The following SUMF1 variants were observed in gnomAD, a reference collection of about 807,000 sequenced individuals.
SUMF1 encodes sulfatase modifying factor 1.
Under a neutral mutation model 47.6 loss-of-function variants are expected in SUMF1, and 48 were observed. The ratio of observed to expected loss-of-function variants is 1.01; its 90% CI spans 0.80 to 1.28. The LOEUF is 1.28. SUMF1 is among the 50% of genes most tolerant of loss of function. The pLI is 0.00. For synonymous variants in SUMF1, 230 were observed against 192.1 expected, an observed-to-expected ratio of 1.20 and a Z score of -1.63; for missense variants, 571 against 485.4, an observed-to-expected ratio of 1.18 and a Z score of -1.66.
chr3:4,377,045 C>T (rs1236901072), intron 7 of SUMF1, among the ~76,000 whole-genome samples: 1 of 152,152 alleles, frequency 6.6e-6, no homozygotes, highest in African/African-American at 2.4e-5. Flanking sequence ...AAGTGACCCT[C>T]CTACCTCAGC....
At chr3:4,253,041 G>C (rs930635057) in intron 8 of SUMF1, among the ~76,000 whole-genome samples, 5 of 152,114 alleles carry the variant, frequency 3.3e-5, no homozygotes, top group African/African-American at 7.2e-5. Flanking sequence ...TTTTCCATAA[G>C]AGTTTTAAAT....
At chr3:4,263,741 T>C (rs576370818) in intron 8 of SUMF1, among the ~76,000 whole-genome samples, 55 of 152,330 alleles carry the variant, frequency 3.6e-4, no homozygotes, top group African/African-American at 1.3e-3. Flanking sequence ...GTTCTCTTAA[T>C]ACTGAAGGCA....
intron 8 of SUMF1, among the ~76,000 whole-genome samples, chr3:4,273,603 G>T: frequency 6.6e-6 from 1 of 151,434 alleles, no homozygotes; most frequent in African/African-American, 2.4e-5. Context: ...CTCTGTGAAT[G>T]TACTAAAAAT....
At chr3:4,177,683 T>A (rs892525797) in intron 8 of SUMF1, among the ~76,000 whole-genome samples, 23 of 151,520 alleles carry the variant, frequency 1.5e-4, no homozygotes, top group African/African-American at 5.1e-4. Flanking sequence ...AAGAAATAAC[T>A]AAGATCAGAG....
chr3:4,209,261 A>T (rs1422902302), intron 8 of SUMF1, among the ~76,000 whole-genome samples: 1 of 152,184 alleles, frequency 6.6e-6, no homozygotes, highest in Non-Finnish European at 1.5e-5. Context: ...AAAGATTTTT[A>T]AAATCCTACA....
intron 8 of SUMF1, among the ~76,000 whole-genome samples, chr3:4,315,815 G>A (rs1330918604): frequency 2.6e-5 from 4 of 152,206 alleles, no homozygotes; most frequent in Admixed American, 1.3e-4. Flanking sequence ...GGGAGGCTGA[G>A]GCAGGCAGAA....
At chr3:4,454,913 T>C (rs1006234801) in intron 1 of SUMF1, among the ~76,000 whole-genome samples, 2 of 152,128 alleles carry the variant, frequency 1.3e-5, no homozygotes, top group African/African-American at 4.8e-5. Context: ...TGCCAGAGGC[T>C]AGGGGGAGGC....
chr3:4,351,161 T>C (rs558601844), intron 8 of SUMF1, among the ~76,000 whole-genome samples: 1 of 152,328 alleles, frequency 6.6e-6, no homozygotes, highest in South Asian at 2.1e-4. Context: ...CTGAAGCAAA[T>C]AGTTTTATTA....
intron 8 of SUMF1, among the ~76,000 whole-genome samples, chr3:4,200,250 A>G (rs1366338658): frequency 6.8e-6 from 1 of 147,934 alleles, no homozygotes; most frequent in Admixed American, 6.9e-5. Flanking sequence ...ATTAAGGGAT[A>G]CCTAGATAGC....
At chr3:4,136,121 A>C (rs1693922803) in intron 8 of SUMF1, among the ~76,000 whole-genome samples, 1 of 152,142 alleles carries the variant, frequency 6.6e-6, no homozygotes, top group African/African-American at 2.4e-5. Flanking sequence ...ATTGGAAAAA[A>C]CTACTTTAAA....
At chr3:4,125,037 T>C (rs1050199828) in intron 8 of SUMF1, among the ~76,000 whole-genome samples, 2 of 152,104 alleles carry the variant, frequency 1.3e-5, no homozygotes, top group African/African-American at 4.8e-5. Flanking sequence ...AAAACAGTTG[T>C]AAAATAGTAG....
intron 9 of SUMF1, among the ~76,000 whole-genome samples, chr3:4,042,174 T>C (rs1018903681): frequency 5.3e-5 from 8 of 152,154 alleles, no homozygotes; most frequent in Admixed American, 2.6e-4. Context: ...AAGACTAGTA[T>C]TGAGAAGCAA....
intron 8 of SUMF1, among the ~76,000 whole-genome samples, chr3:4,260,516 C>A (rs1559625627): frequency 6.6e-6 from 1 of 152,086 alleles, no homozygotes; most frequent in Admixed American, 6.5e-5. Context: ...AGTTTCCAGC[C>A]CTGATTATCA....
chr3:4,460,302 T>A (rs1360351420), intron 1 of SUMF1, among the ~76,000 whole-genome samples: 1 of 152,204 alleles, frequency 6.6e-6, no homozygotes, highest in Non-Finnish European at 1.5e-5. Flanking sequence ...TATATACTCT[T>A]CTATATGTTT....
At chr3:4,386,964 T>C (rs1700695186) in intron 7 of SUMF1, among the ~76,000 whole-genome samples, 1 of 151,762 alleles carries the variant, frequency 6.6e-6, no homozygotes, top group African/African-American at 2.4e-5. Context: ...TCAATTATCA[T>C]GTTTTAAAAA....
chr3:4,253,368 G>C (rs898433114), intron 8 of SUMF1, among the ~76,000 whole-genome samples: 6 of 152,216 alleles, frequency 3.9e-5, no homozygotes, highest in African/African-American at 1.4e-4. Flanking sequence ...ATCTCACTAG[G>C]GAGTGCCAGA....
chr3:4,359,841 T>C (rs1687867), downstream of SUMF1, among the ~76,000 whole-genome samples: 17,509 of 152,102 alleles, frequency 0.12, 2,250 homozygotes, highest in African/African-American at 0.3. Context: ...TCAAACCATC[T>C]CAGTTGCCCA....
Position 4,140,845 on chromosome 3 carries a change from T to C in SUMF1, c.1015-72100A>G, listed in dbSNP as rs139475022. Among the ~76,000 whole-genome samples, 1,240 of 152,104 alleles carry C rather than the reference T, an allele frequency of 8.2e-3. 11 individuals carry two copies. The highest frequency in any genetic ancestry group is 0.011 in the Non-Finnish European group (738 of 67,986). On this transcript the variant is annotated intron_variant and NMD_transcript_variant, in intron 8 of 12. Transcript: ENST00000448413. ...TGTAAACTTTTTTAAAAAGGTTTCATTGAAGAAAATAAACCTCTCAAGGAA... is the reference window on the plus strand; with the variant it reads ...TGTAAACTTTTTTAAAAAGGTTTCACTGAAGAAAATAAACCTCTCAAGGAA...
intron 8 of SUMF1, among the ~76,000 whole-genome samples, chr3:4,273,719 GGGAGGATACGGGAGGGAGGATACGGGA>G (rs1559640185): frequency 1.1e-3 from 70 of 65,056 alleles, no homozygotes; most frequent in African/African-American, 4.8e-3. Context: ...GGATACGGGA[GGGAGGATACGGGAGGGAGGATACGGGA>G]GGGAGGATAC....
Sources: gnomAD v4.1 joint callset for allele counts (sites outside exome capture counted in the v4.1 genomes callset) on GRCh38, gnomAD v4.1.1 for gene constraint, MANE v1.5 for transcripts, NCBI Gene and HGNC (gene_info 2026-07-23, HGNC 2026-07-21) for gene names.